Variants in DISC1 observed in about 807,000 individuals in gnomAD.
The protein encoded by DISC1 is disrupted in schizophrenia 1 protein.
A neutral mutation model predicts 84.5 loss-of-function variants in DISC1; 57 were observed. That is an observed-to-expected ratio of 0.67 (90% confidence interval 0.55 to 0.84). DISC1 has a LOEUF of 0.84. Ranked by LOEUF, DISC1 falls within the 40% of genes least tolerant of loss-of-function variation. The probability of loss-of-function intolerance (pLI) is 0.00; values close to 1 mark genes in which losing one functional copy is unlikely to be tolerated. For missense variants in DISC1, 1,000 were observed against 1,057.8 expected (o/e 0.95, Z 0.76); for synonymous variants, 411 against 415.2 (o/e 0.99, Z 0.12).
Position 231,941,367 on chromosome 1 carries a change from A to G in DISC1, c.1982-17461A>G, listed in dbSNP as rs2091330482. On this transcript the variant is annotated intron_variant, in intron 9 of 12. Coordinates refer to ENST00000439617, the MANE Select transcript of DISC1 (RefSeq NM_018662.3). ...TCCTTTTTCTGCTTTATAAAGCAAC[A>G]GTGAGATTCCAGGAGCAAGGCCAGC... 2.0e-5 allele frequency among the ~76,000 whole-genome samples: 3 copies of G among 152,120 alleles called. No homozygotes were observed. The South Asian group carries it at 6.2e-4, about 32-fold the overall frequency.
At chr1:231,879,552 T>C (rs1468750598) in intron 9 of DISC1, among the ~76,000 whole-genome samples, 1 of 151,050 alleles carries the variant, frequency 6.6e-6, no homozygotes, top group Non-Finnish European at 1.5e-5. Flanking sequence ...GAAGGACCTG[T>C]GGGGGCTGTG....
chr1:231,653,691 C>T (rs1046601142), intron 1 of DISC1, among the ~76,000 whole-genome samples: 2 of 152,130 alleles, frequency 1.3e-5, no homozygotes, highest in Non-Finnish European at 2.9e-5. Flanking sequence ...AGAACACACC[C>T]CTCCCAGAGT....
intron 10 of DISC1, among the ~76,000 whole-genome samples, chr1:231,983,050 T>C (rs1203026464): frequency 6.6e-6 from 1 of 151,918 alleles, no homozygotes; most frequent in Non-Finnish European, 1.5e-5. Context: ...AGATACAGGG[T>C]TTCCTGCCCC....
At chr1:231,787,699 T>C (rs1244459268) in intron 6 of DISC1, among the ~76,000 whole-genome samples, 2 of 152,230 alleles carry the variant, frequency 1.3e-5, no homozygotes, top group Non-Finnish European at 2.9e-5. Context: ...CAAGATGCTC[T>C]AAGCACAATC....
chr1:231,671,895 C>T (rs1572712164), intron 1 of DISC1, among the ~76,000 whole-genome samples: 1 of 152,180 alleles, frequency 6.6e-6, no homozygotes, highest in African/African-American at 2.4e-5. Flanking sequence ...GCTTATAACC[C>T]TGCTGGGTAC....
chr1:231,810,134 G>C lies in DISC1; in HGVS notation c.1793-8195G>C, dbSNP rs141320540. Among the ~76,000 whole-genome samples the C allele has an allele frequency of 9.8e-4, 150 of 152,308 alleles. 1 individual carries two copies. Among genetic ancestry groups the C allele is most frequent in the Non-Finnish European group, 1.8e-3 (121 of 68,028 alleles). On this transcript the variant is annotated intron_variant, in intron 8 of 12. Transcript: ENST00000439617. ...GTATGGAACTGGAAAGAGCAGTTCA[G>C]ATCACAGAGGCATGGGCACTGTGTT...
intron 7 of DISC1, 70 bp from the exon 8 acceptor site, chr1:231,800,038 C>A (rs946825434): frequency 8.7e-7 from 1 of 1,153,434 alleles, no homozygotes; most frequent in Non-Finnish European, 1.3e-6. Flanking sequence ...AATCTCTGAC[C>A]TGGCTGTTCC....
chr1:231,666,192 T>A (rs1025825798), intron 1 of DISC1, among the ~76,000 whole-genome samples: 7 of 151,284 alleles, frequency 4.6e-5, no homozygotes, highest in Non-Finnish European at 1.0e-4. Flanking sequence ...TCAGGTTGAG[T>A]TTATTGATAA....
intron 9 of DISC1, among the ~76,000 whole-genome samples, chr1:231,885,558 T>C (rs1030586552): frequency 3.5e-4 from 54 of 152,322 alleles, no homozygotes; most frequent in African/African-American, 1.3e-3. Flanking sequence ...CTGAAGATCA[T>C]AGGATTAAAT....
chr1:231,731,892 C>A (rs1354797815), intron 3 of DISC1, among the ~76,000 whole-genome samples: 1 of 152,218 alleles, frequency 6.6e-6, no homozygotes, highest in Non-Finnish European at 1.5e-5. Context: ...TCAACAGTTA[C>A]AACAAAGTCA....
intron 9 of DISC1, among the ~76,000 whole-genome samples, chr1:231,827,029 C>T (rs2081904111): frequency 6.6e-6 from 1 of 152,052 alleles, no homozygotes; most frequent in East Asian, 1.9e-4. Flanking sequence ...CAGTCTATTG[C>T]CAAGGCTGGA....
At chr1:231,632,322 A>C (rs1222798624) in intron 1 of DISC1, among the ~76,000 whole-genome samples, 1 of 152,202 alleles carries the variant, frequency 6.6e-6, no homozygotes, top group Non-Finnish European at 1.5e-5. Flanking sequence ...ACTTCAGGTT[A>C]ATTTTCCAGC....
intron 1 of DISC1, among the ~76,000 whole-genome samples, chr1:231,641,981 T>A (rs1044453475): frequency 2.0e-5 from 3 of 152,294 alleles, no homozygotes; most frequent in African/African-American, 7.2e-5. Context: ...TCGATGGGAC[T>A]GGGCGCTGTG....
At chr1:231,785,256 A>T (rs367922444) in intron 6 of DISC1, among the ~76,000 whole-genome samples, 2 of 121,554 alleles carry the variant, frequency 1.6e-5, no homozygotes, top group African/African-American at 6.4e-5. Context: ...TGTGTGTGTT[A>T]TTTTATTTAT....
chr1:231,966,219 T>C (rs769098147), intron 10 of DISC1, among the ~76,000 whole-genome samples: 3 of 152,184 alleles, frequency 2.0e-5, no homozygotes, highest in Non-Finnish European at 4.4e-5. Flanking sequence ...CAAATCCATT[T>C]GTCTTGCCAT....
chr1:231,961,787 G>A (rs1437262599), intron 10 of DISC1, among the ~76,000 whole-genome samples: 2 of 152,158 alleles, frequency 1.3e-5, no homozygotes, highest in African/African-American at 2.4e-5. Context: ...CCATTGATGG[G>A]CATCTAGGTT....
At position 231,995,787 on chromosome 1, in the gene DISC1, G is replaced by A. The variant is rs1192280522; in HGVS notation, c.2043-12998G>A. Among the ~76,000 whole-genome samples, 4 of 151,304 alleles carry A rather than the reference G, an allele frequency of 2.6e-5. No homozygotes were observed. In the East Asian group the frequency reaches 7.7e-4, roughly 29 times the overall value. On this transcript the variant is annotated intron_variant, in intron 10 of 12. Coordinates refer to ENST00000439617, the MANE Select transcript of DISC1 (RefSeq NM_018662.3). ...CCAAGTCTTTGCTATTGTGAATAGT[G>A]CCGCAATAAACATACGTGTGCATGT...
chr1:231,739,556 C>T (rs575272289), intron 3 of DISC1, among the ~76,000 whole-genome samples: 2 of 152,292 alleles, frequency 1.3e-5, no homozygotes, highest in African/African-American at 4.8e-5. Context: ...ACCAATGGGG[C>T]CGCTCACTGC....
At chr1:231,891,465 A>G (rs2087210853) in intron 9 of DISC1, among the ~76,000 whole-genome samples, 2 of 152,230 alleles carry the variant, frequency 1.3e-5, no homozygotes, top group African/African-American at 4.8e-5. Flanking sequence ...AGGGTGGGTC[A>G]GGAGACAGAC....
Sources: gnomAD v4.1 joint callset for allele counts (sites outside exome capture counted in the v4.1 genomes callset) on GRCh38, gnomAD v4.1.1 for gene constraint, MANE v1.5 for transcripts, NCBI Gene and HGNC (gene_info 2026-07-23, HGNC 2026-07-21) for gene names.